The following SOX13 variants were observed in gnomAD, a reference collection of about 807,000 sequenced individuals.
SOX13 encodes the protein transcription factor SOX-13.
In SOX13, 28 loss-of-function variants were observed where a neutral mutation model predicts 71.8. That is an observed-to-expected ratio of 0.39 (90% CI 0.29 to 0.53). The LOEUF (loss-of-function observed/expected upper bound fraction) is 0.53. Ranked by LOEUF, SOX13 falls within the 20% of genes least tolerant of loss-of-function variation. The pLI, the probability that SOX13 is intolerant of heterozygous loss-of-function variation, is 0.70. For missense variants in SOX13, 627 were observed against 810.3 expected (o/e 0.77, Z 2.75); for synonymous variants, 309 against 317.8 (o/e 0.97, Z 0.29).
intron 4 of SOX13, chr1:204,116,071 C>A: frequency 2.2e-6 from 2 of 891,404 alleles, no homozygotes; most frequent in African/African-American, 1.8e-5. Flanking sequence ...TGGTAACTTG[C>A]CTAACAGCTC....
intron 1 of SOX13, among the ~76,000 whole-genome samples, chr1:204,082,205 TATGA>T (rs1278452094): frequency 1.3e-5 from 2 of 150,692 alleles, no homozygotes; most frequent in African/African-American, 4.9e-5. Flanking sequence ...TGTGTGTATC[TATGA>T]GTGTGATGTG....
intron 1 of SOX13, among the ~76,000 whole-genome samples, chr1:204,088,690 A>T (rs1656074133): frequency 6.6e-6 from 1 of 152,050 alleles, no homozygotes. Context: ...ATCTGATAAG[A>T]TGAGATCAGA....
chr1:204,122,910 C>T lies in SOX13; in HGVS notation c.1081C>T (p.Leu361=). The T allele has an allele frequency of 6.3e-7, 1 of 1,588,392 alleles. No individual in the cohort carries two copies. The highest frequency in any genetic ancestry group is 8.6e-7 in the Non-Finnish European group (1 of 1,167,184). ...AGCCATCCAGGATGCTCGGCAGCTG[C>T]TGCACAGCCACAGTGGGGCCTTGGA... ...TKAIQDARQL[L]HSHSGALDGS... The change falls in exon 10 of 14, where the codon CTG becomes TTG. Residue 361 remains leucine, a synonymous_variant. Coordinates refer to ENST00000367204, the MANE Select transcript of SOX13 (RefSeq NM_005686.3).
intron 9 of SOX13, 169 bp downstream of exon 9, chr1:204,122,568 T>C: frequency 1.6e-6 from 1 of 623,890 alleles, no homozygotes; most frequent in South Asian, 2.0e-5. Context: ...CCTCATCATA[T>C]CTGTCTGGGC....
At chr1:204,114,718 A>G in intron 4 of SOX13, 113 bp downstream of exon 4, 1 of 802,122 alleles carries the variant, frequency 1.2e-6, no homozygotes, top group East Asian at 2.5e-5. Flanking sequence ...ATCCTGTGCC[A>G]TCTGGCTCCT....
In SOX13 at chr1:204,112,735, G is replaced by A. The variant is rs538049921; in HGVS notation, c.-1-180G>A. Among the ~76,000 whole-genome samples, 34 of 152,366 alleles carry A rather than the reference G, an allele frequency of 2.2e-4. 1 individual carries two copies. In the East Asian group the frequency reaches 5.8e-3, roughly 26 times the overall value. ...AAACAAAAAAGCATGAGGGATACAA[G>A]AGGCTTTGCTGATTTTTCTGTGGGT... On this transcript the variant is annotated intron_variant, in intron 1 of 13. Coordinates refer to ENST00000367204, the MANE Select transcript of SOX13 (RefSeq NM_005686.3).
Position 204,123,695 on chromosome 1 carries a change from C to A in SOX13, c.1266C>A (p.Ser422Arg), listed in dbSNP as rs1186899212. The part of the protein sequence containing the change: ...SRHFPESRNS[S>R]HIKRPMNAFM... ...ACTTCCCCGAGTCCCGAAACAGCAG[C>A]CACATCAAGAGGCCCATGAACGCCT... The change falls in exon 12 of 14, where the codon AGC (serine) becomes AGA (arginine). Residue 422 changes from serine to arginine, a missense_variant. This residue lies in a region of SOX13 where 447 missense variants were observed against 532.2 expected (regional missense o/e 0.84). Transcript: ENST00000367204. This position sits in a 1 kb window ranked among gnomAD's most constrained non-coding sequence, Gnocchi z 5.0. 1.9e-6 allele frequency: 3 copies of A among 1,614,008 alleles called. No homozygotes were observed. In the African/African-American group the frequency reaches 4.0e-5, roughly 22 times the overall value.
At chr1:204,099,529 C>T (rs1021527546) in intron 1 of SOX13, among the ~76,000 whole-genome samples, 1 of 150,724 alleles carries the variant, frequency 6.6e-6, no homozygotes, top group African/African-American at 2.4e-5. Flanking sequence ...GTGCTCAAGC[C>T]ATCCTCCCGA....
Position 204,123,259 on chromosome 1 carries a change from C to A in SOX13, c.1231+51C>A. The A allele has an allele frequency of 4.9e-6, 7 of 1,423,692 alleles. No homozygotes were observed. The South Asian group carries it at 8.0e-5, about 16-fold the overall frequency. 88.2% of individuals were successfully genotyped at this position (1,423,692 alleles called of 1,614,324 possible). A position where few individuals can be genotyped will look rare whatever the true frequency, so the allele number is the denominator to read the frequency against. ...GCGCAGGAGGGCCCAACTCTGTATT[C>A]CACCAGGGCCAGGGCTGTGTCTGCC... On this transcript the variant is annotated intron_variant, in intron 11 of 13. Coordinates refer to ENST00000367204, the MANE Select transcript of SOX13 (RefSeq NM_005686.3). The surrounding 1 kb of genome is among the most constrained non-coding windows in gnomAD (Gnocchi z 5.0).
intron 1 of SOX13, among the ~76,000 whole-genome samples, chr1:204,082,190 CGTGATGTGTGTATCTATGAGT>C (rs1374331467): frequency 6.7e-6 from 1 of 148,756 alleles, no homozygotes. Context: ...AAGGGCTGAG[CGTGATGTGTGTATCTATGAGT>C]GTGATGTGTG....
At chr1:204,120,482 C>T (rs1656780405) in intron 7 of SOX13, among the ~76,000 whole-genome samples, 1 of 152,266 alleles carries the variant, frequency 6.6e-6, no homozygotes, top group African/African-American at 2.4e-5. Flanking sequence ...CAGTGGCCCT[C>T]CCCAGCTCAC....
intron 1 of SOX13, among the ~76,000 whole-genome samples, chr1:204,105,860 T>C (rs2102246272): frequency 6.6e-6 from 1 of 152,284 alleles, no homozygotes; most frequent in African/African-American, 2.4e-5. Context: ...GGCTACCCTG[T>C]GGACTTGTGG....
In SOX13 at chr1:204,123,290, T is replaced by C. The variant is rs1656849921; in HGVS notation, c.1231+82T>C. 2.7e-6 allele frequency: 3 copies of C among 1,125,636 alleles called. No individual in the cohort carries two copies. In the South Asian group the frequency reaches 3.7e-5, roughly 14 times the overall value. The allele number at this position is 1,125,636 out of a possible 1,614,324, so 69.7% of individuals were successfully genotyped here. ...GGGCCAGGGCTGTGTCTGCCTCTGA[T>C]CTCTTCCCTCCCTTGGTCTGTTGGG... On this transcript the variant is annotated intron_variant, in intron 11 of 13. Transcript: ENST00000367204. The surrounding 1 kb of genome is among the most constrained non-coding windows in gnomAD (Gnocchi z 5.0).
intron 1 of SOX13, among the ~76,000 whole-genome samples, chr1:204,105,415 T>C (rs376426741): frequency 1.1e-3 from 90 of 83,854 alleles, no homozygotes; most frequent in Middle Eastern, 0.011. Context: ...TATAATCTCT[T>C]TTTTTTTTGA....
chr1:204,121,788 G>C, intron 7 of SOX13, 112 bp from the exon 8 acceptor site: 1 of 773,264 alleles, frequency 1.3e-6, no homozygotes. Context: ...TTGGAACCAA[G>C]CTGGTCCAGT....
intron 1 of SOX13, among the ~76,000 whole-genome samples, chr1:204,085,004 G>A (rs1655987349): frequency 6.6e-6 from 1 of 152,196 alleles, no homozygotes; most frequent in Admixed American, 6.5e-5. Context: ...GAGATTTGGG[G>A]AAGAAAGACG....
At chr1:204,097,502 A>G (rs1656274384) in intron 1 of SOX13, among the ~76,000 whole-genome samples, 2 of 151,862 alleles carry the variant, frequency 1.3e-5, no homozygotes, top group African/African-American at 4.8e-5. Flanking sequence ...GACCAGCCTG[A>G]CCAACATGGA....
chr1:204,089,943 A>G (rs143959981), intron 1 of SOX13, among the ~76,000 whole-genome samples: 86 of 152,322 alleles, frequency 5.6e-4, no homozygotes, highest in Non-Finnish European at 9.1e-4. Flanking sequence ...AGCATTGCGT[A>G]GAGGGCCATG....
At chr1:204,124,998 G>A (rs1026125173) in intron 13 of SOX13, 141 bp downstream of exon 13, 60 of 664,594 alleles carry the variant, frequency 9.0e-5, no homozygotes, top group Non-Finnish European at 1.6e-5. Flanking sequence ...TGTGTTATCT[G>A]TGTATAGCTG....
Sources: allele counts gnomAD v4.1 joint callset (sites outside exome capture counted in the v4.1 genomes callset), GRCh38; gene constraint gnomAD v4.1.1; regional missense constraint gnomAD v4.1.1; non-coding constraint Gnocchi (gnomAD v3.1); transcripts MANE v1.5; gene names NCBI Gene and HGNC (gene_info 2026-07-23, HGNC 2026-07-21).